The following HGD variants were observed in gnomAD, a reference collection of about 807,000 sequenced individuals.
HGD encodes homogentisate 1,2-dioxygenase.
In HGD, 61 loss-of-function variants were observed where a neutral mutation model predicts 60.8. The observed-to-expected ratio is 1.00, with a 90% confidence interval of 0.82 to 1.24. HGD has a LOEUF of 1.24. HGD is among the 50% of genes most tolerant of loss of function. HGD has a pLI of 0.00. For synonymous variants in HGD, 212 were observed against 187.7 expected, an observed-to-expected ratio of 1.13 and a Z score of -1.06; for missense variants, 542 against 547.1, an observed-to-expected ratio of 0.99 and a Z score of 0.09.
intron 13 of HGD, among the ~76,000 whole-genome samples, chr3:120,632,079 A>G (rs543198729): frequency 3.9e-5 from 6 of 152,288 alleles, no homozygotes; most frequent in African/African-American, 1.4e-4. Context: ...TAGGGGTTCT[A>G]CAGAAACTCC....
intron 12 of HGD, among the ~76,000 whole-genome samples, chr3:120,634,638 G>GA (rs1469812208): frequency 1.3e-5 from 2 of 152,246 alleles, no homozygotes; most frequent in Admixed American, 1.3e-4. Context: ...TCTGTCCTGT[G>GA]AGAGTACTGA....
In HGD at chr3:120,633,222, A is replaced by AT; in HGVS notation, c.1112dup (p.His371GlnfsTer4). ...TCTCAAAGCAGTCAGCATCAGGTCC[A>AT]TGGGGGGTCATTGTGCTGTGTAGAC... On this transcript the variant is annotated frameshift_variant, in exon 13 of 14. Transcript: ENST00000283871. LOFTEE classifies it high-confidence loss of function. 1.9e-6 allele frequency: 3 copies of AT among 1,614,188 alleles called. No homozygotes were observed. Among genetic ancestry groups the AT allele is most frequent in the Non-Finnish European group, 2.5e-6 (3 of 1,180,034 alleles).
intron 12 of HGD, among the ~76,000 whole-genome samples, chr3:120,633,923 T>G (rs1010269557): frequency 6.6e-6 from 1 of 152,234 alleles, no homozygotes; most frequent in African/African-American, 2.4e-5. Context: ...TAAATGCTAT[T>G]TATTATAACA....
intron 5 of HGD, 110 bp from the exon 6 acceptor site, chr3:120,650,975 T>A: frequency 2.3e-6 from 2 of 860,026 alleles, no homozygotes; most frequent in Non-Finnish European, 4.0e-6. Flanking sequence ...GGGTCTTCCC[T>A]TTGGGACCGG....
At chr3:120,635,838 T>C (rs1459616753) in intron 12 of HGD, among the ~76,000 whole-genome samples, 2 of 152,160 alleles carry the variant, frequency 1.3e-5, no homozygotes, top group African/African-American at 4.8e-5. Flanking sequence ...TGAGACCCTA[T>C]AGCACAGTAG....
intron 5 of HGD, 131 bp downstream of exon 5, chr3:120,652,461 A>G: frequency 1.4e-6 from 1 of 711,198 alleles, no homozygotes; most frequent in Non-Finnish European, 2.6e-6. Flanking sequence ...CCCAAAGCAT[A>G]CGCAGGTGGT....
chr3:120,655,586 A>C (rs1941471671), intron 4 of HGD, among the ~76,000 whole-genome samples: 1 of 152,248 alleles, frequency 6.6e-6, no homozygotes, highest in Non-Finnish European at 1.5e-5. Context: ...GATTTTGGTC[A>C]GGAGCGCTGA....
intron 13 of HGD, among the ~76,000 whole-genome samples, chr3:120,630,134 C>T (rs1050028466): frequency 9.9e-5 from 15 of 152,188 alleles, no homozygotes; most frequent in African/African-American, 3.4e-4. Flanking sequence ...AAGACACAAA[C>T]AAATGGAAAA....
chr3:120,638,678 C>A (rs769800661), intron 11 of HGD, 97 bp from the exon 12 acceptor site: 4 of 1,397,022 alleles, frequency 2.9e-6, no homozygotes, highest in Non-Finnish European at 4.0e-6. Flanking sequence ...TTGCAAGTGA[C>A]ATTCTAATTT....
intron 13 of HGD, among the ~76,000 whole-genome samples, chr3:120,631,898 G>T (rs761875534): frequency 6.6e-6 from 1 of 152,088 alleles, no homozygotes; most frequent in African/African-American, 2.4e-5. Flanking sequence ...CCTGTCCTAC[G>T]CCTCACTGTT....
At chr3:120,667,407 C>T (rs565108100) in intron 4 of HGD, among the ~76,000 whole-genome samples, 9 of 149,494 alleles carry the variant, frequency 6.0e-5, no homozygotes, top group East Asian at 3.9e-4. Context: ...ATATGTCACA[C>T]GAACTCCAAA....
chr3:120,676,416 T>C (rs959808734), intron 1 of HGD, among the ~76,000 whole-genome samples: 1 of 151,232 alleles, frequency 6.6e-6, no homozygotes, highest in African/African-American at 2.4e-5. Flanking sequence ...CTACTCTGAT[T>C]GCCATCTCTT....
chr3:120,656,853 G>A (rs1359080165), intron 4 of HGD, among the ~76,000 whole-genome samples: 3 of 152,162 alleles, frequency 2.0e-5, no homozygotes, highest in Admixed American at 6.5e-5. Flanking sequence ...TGCCTGGACC[G>A]TGAGATCTTT....
At position 120,652,645 on chromosome 3, in the gene HGD, A is replaced by T; in HGVS notation, c.289T>A (p.Trp97Arg). Residue 97 changes from tryptophan to arginine, a missense_variant, in exon 5 of 14, where the codon TGG becomes AGG. By Grantham distance (101) the Trp-to-Arg change is moderately radical (BLOSUM62 -3). Around this residue, in one of 2 missense-constraint regions of HGD, gnomAD observed 537 missense variants for 529.1 expected, o/e 1.01. Coordinates refer to ENST00000283871, the MANE Select transcript of HGD (RefSeq NM_000187.4). ...EVDPDPNQLRWKPFEIPKASQ... is the reference protein window; with the variant it reads ...EVDPDPNQLRRKPFEIPKASQ... ...GCTTTTGGAATCTCAAATGGTTTCC[A>T]TCTAAGCTGGAAAAAAAATACACAT... 6.2e-7 allele frequency: 1 copy of T among 1,612,370 alleles called. No individual in the cohort carries two copies. The highest frequency in any genetic ancestry group is 8.5e-7 in the Non-Finnish European group (1 of 1,178,606).
chr3:120,644,359 A>C lies in HGD; in HGVS notation c.734T>G (p.Val245Gly). 6.2e-7 allele frequency: 1 copy of C among 1,614,152 alleles called. No homozygotes were observed. Among genetic ancestry groups the C allele is most frequent in the Non-Finnish European group, 8.5e-7 (1 of 1,180,016 alleles). The change falls in exon 10 of 14, where the codon GTC (valine) becomes GGC (glycine). Residue 245 changes from valine (V) to glycine (G), a missense_variant. Val to Gly is a moderately radical substitution (Grantham distance 109, BLOSUM62 -3). Transcript: ENST00000283871. ...CAGCTTGCCCTGGTATTTATTAATG[A>C]CCGTGTAACCACCTGGTACTTGGCG... Reference protein sequence around the residue: ...EDRQVPGGYTVINKYQGKLFA... With the variant: ...EDRQVPGGYTGINKYQGKLFA...
At chr3:120,638,336 C>A in intron 12 of HGD, 119 bp downstream of exon 12, 1 of 1,251,664 alleles carries the variant, frequency 8.0e-7, no homozygotes, top group South Asian at 1.2e-5. Flanking sequence ...CAGCAGGATC[C>A]TGAATTCATG....
intron 10 of HGD, among the ~76,000 whole-genome samples, chr3:120,642,397 A>G (rs1316918714): frequency 6.6e-6 from 1 of 152,208 alleles, no homozygotes; most frequent in Admixed American, 6.5e-5. Context: ...TAGCGGGAAG[A>G]CACTGCTATT....
At chr3:120,656,603 G>A (rs181618031) in intron 4 of HGD, among the ~76,000 whole-genome samples, 1 of 151,942 alleles carries the variant, frequency 6.6e-6, no homozygotes. Context: ...CCAGGCTGGA[G>A]TGCAGTGGCG....
At chr3:120,633,038 C>A in intron 13 of HGD, 109 bp downstream of exon 13, 1 of 930,058 alleles carries the variant, frequency 1.1e-6, no homozygotes, top group East Asian at 2.5e-5. Flanking sequence ...ATTAACTCTC[C>A]CTCTTTTGAC....
Sources: allele counts gnomAD v4.1 joint callset (sites outside exome capture counted in the v4.1 genomes callset), GRCh38; gene constraint gnomAD v4.1.1; regional missense constraint gnomAD v4.1.1; transcripts MANE v1.5; gene names NCBI Gene and HGNC (gene_info 2026-07-23, HGNC 2026-07-21).